The following ZNRF3 variants were observed in gnomAD, a reference collection of about 807,000 sequenced individuals.
ZNRF3 encodes the protein zinc and ring finger 3, also known as E3 ubiquitin-protein ligase ZNRF3.
ZNRF3 carries 23 observed loss-of-function variants against 72.5 expected under a neutral mutation model. The ratio of observed to expected loss-of-function variants is 0.32; its 90% CI spans 0.23 to 0.45. ZNRF3 has a LOEUF of 0.45. ZNRF3 is among the 20% of genes least tolerant of loss of function. The pLI, the probability that ZNRF3 is intolerant of heterozygous loss-of-function variation, is 1.00. For synonymous variants in ZNRF3, 610 were observed against 545.3 expected (o/e 1.12, Z -1.65); for missense variants, 1,169 against 1,272.1 (o/e 0.92, Z 1.23).
chr22:28,914,898 C>CT (rs1312397490), intron 1 of ZNRF3, among the ~76,000 whole-genome samples: 1 of 152,062 alleles, frequency 6.6e-6, no homozygotes, highest in East Asian at 1.9e-4. Flanking sequence ...GACATTCAGC[C>CT]TTTTGCCTCT....
intron 2 of ZNRF3, chr22:29,031,521 A>AGT: frequency 9.6e-6 from 9 of 933,176 alleles, no homozygotes; most frequent in Non-Finnish European, 1.2e-5. Context: ...TGTGTCATGC[A>AGT]GTGACTCATG....
intron 2 of ZNRF3, among the ~76,000 whole-genome samples, chr22:29,024,208 T>C (rs1254903470): frequency 6.6e-6 from 1 of 151,750 alleles, no homozygotes; most frequent in African/African-American, 2.4e-5. Context: ...AAGGAAGCGA[T>C]CCGGCCCAAC....
chr22:28,931,625 C>T (rs1270595973), intron 1 of ZNRF3, among the ~76,000 whole-genome samples: 1 of 152,196 alleles, frequency 6.6e-6, no homozygotes, highest in Non-Finnish European at 1.5e-5. Flanking sequence ...CCCCATCCAT[C>T]TGTCCACCCA....
At chr22:28,972,624 A>G (rs2035596955) in intron 1 of ZNRF3, among the ~76,000 whole-genome samples, 1 of 152,200 alleles carries the variant, frequency 6.6e-6, no homozygotes, top group South Asian at 2.1e-4. Context: ...GTATATACTC[A>G]GGAGTGGAAT....
At chr22:28,917,271 ACACACAC>A (rs2034424042) in intron 1 of ZNRF3, 1 of 7,488 alleles carries the variant, frequency 1.3e-4, no homozygotes, top group Non-Finnish European at 1.3e-3. Context: ...GGGATAAAAC[ACACACAC>A]ACACACACAC....
At chr22:28,983,375 C>A (rs117116195) in intron 1 of ZNRF3, among the ~76,000 whole-genome samples, 1 of 152,130 alleles carries the variant, frequency 6.6e-6, no homozygotes, top group Admixed American at 6.5e-5. Flanking sequence ...TCTGCATGCC[C>A]GGACACGCTC....
In ZNRF3 at chr22:29,030,141, C is replaced by T. The variant is rs775576093; in HGVS notation, c.427-12354C>T. Among the ~76,000 whole-genome samples the T allele has an allele frequency of 1.3e-5, 2 of 152,206 alleles. No individual in the cohort carries two copies. Among genetic ancestry groups the T allele is most frequent in the Non-Finnish European group, 2.9e-5 (2 of 68,040 alleles). ...TATCGATGGAGCAGGAGGGTGTGGACAGGCTTTCCTGGGTTTTTGGTGCTC... is the reference window on the plus strand; with the variant it reads ...TATCGATGGAGCAGGAGGGTGTGGATAGGCTTTCCTGGGTTTTTGGTGCTC... On this transcript the variant is annotated intron_variant, in intron 2 of 8. Transcript: ENST00000544604. The surrounding 1 kb of genome is among the most constrained non-coding windows in gnomAD (Gnocchi z 4.2).
In ZNRF3 at chr22:29,043,287, C is replaced by A; in HGVS notation, c.502-12C>A. On this transcript the variant is annotated splice_polypyrimidine_tract_variant and intron_variant, in intron 3 of 8. Transcript: ENST00000544604. ...GCGCACCTTTTAACCAGAGCCCTCT[C>A]TTCTTCCTTAGCTGAACCAGGGCTC... The A allele has an allele frequency of 6.2e-7, 1 of 1,613,346 alleles. No individual in the cohort carries two copies. Among genetic ancestry groups the A allele is most frequent in the Non-Finnish European group, 8.5e-7 (1 of 1,179,722 alleles).
At chr22:28,894,142 G>A (rs1382410184) in intron 1 of ZNRF3, among the ~76,000 whole-genome samples, 1 of 148,898 alleles carries the variant, frequency 6.7e-6, no homozygotes, top group Non-Finnish European at 1.5e-5. Context: ...TTTTTTTGTA[G>A]AGATGGGTTT....
At chr22:28,939,429 A>G (rs2034901566) in intron 1 of ZNRF3, among the ~76,000 whole-genome samples, 2 of 152,224 alleles carry the variant, frequency 1.3e-5, no homozygotes, top group South Asian at 2.1e-4. Flanking sequence ...ATAAACGTAT[A>G]ATCTCTGCCA....
chr22:28,981,291 A>G (rs1159032006), intron 1 of ZNRF3, among the ~76,000 whole-genome samples: 1 of 152,232 alleles, frequency 6.6e-6, no homozygotes, highest in Non-Finnish European at 1.5e-5. Context: ...CTTATTCTCT[A>G]CAGATGATTG....
At chr22:28,896,425 G>A (rs568329470) in intron 1 of ZNRF3, among the ~76,000 whole-genome samples, 29 of 152,258 alleles carry the variant, frequency 1.9e-4, no homozygotes, top group African/African-American at 5.8e-4. Flanking sequence ...GAGCCACCAC[G>A]CCTGGCCCCT....
intron 1 of ZNRF3, among the ~76,000 whole-genome samples, chr22:28,959,941 A>G (rs1032752780): frequency 9.2e-5 from 14 of 152,212 alleles, no homozygotes; most frequent in Non-Finnish European, 4.4e-5. Context: ...TGGACTTCCC[A>G]GCTCCAGAAC....
In ZNRF3 at chr22:29,056,782, T is replaced by C. The variant is rs1158157925; in HGVS notation, c.*3160T>C. On this transcript the variant is annotated 3_prime_UTR_variant, in exon 9 of 9. Coordinates refer to ENST00000544604, the MANE Select transcript of ZNRF3 (RefSeq NM_001206998.2). ...TACCAACAAGGTACCTCTTTATGGATGCAGCCCCAGTAAGCTGGCTTTAAC... is the reference window on the plus strand; with the variant it reads ...TACCAACAAGGTACCTCTTTATGGACGCAGCCCCAGTAAGCTGGCTTTAAC... 2 of 152,250 alleles carry C rather than the reference T, an allele frequency of 1.3e-5. No homozygotes were observed. The highest frequency in any genetic ancestry group is 3.9e-4 in the East Asian group (2 of 5,190). The allele number at this position is 152,250 out of a possible 1,614,324, so 9.4% of individuals were successfully genotyped here. A position where few individuals can be genotyped will look rare whatever the true frequency, so the allele number is the denominator to read the frequency against.
rs145199218 is a variant in ZNRF3 at position 28,955,702 on chromosome 22, T to G, written c.301-31374T>G. 2.0e-3 allele frequency among the ~76,000 whole-genome samples: 302 copies of G among 151,764 alleles called. 2 individuals are homozygous for G. The highest frequency in any genetic ancestry group is 6.8e-3 in the Middle Eastern group (2 of 294). Reference sequence around the variant, plus strand: ...GGGAGGCTGAGGTGGGAGGATCACCTGAGCCCAGGAGTTCAAGACCAACCT... The same window carrying G: ...GGGAGGCTGAGGTGGGAGGATCACCGGAGCCCAGGAGTTCAAGACCAACCT... On this transcript the variant is annotated intron_variant, in intron 1 of 8. Transcript: ENST00000544604.
intron 1 of ZNRF3, among the ~76,000 whole-genome samples, chr22:28,915,261 G>A (rs562941913): frequency 6.6e-6 from 1 of 152,328 alleles, no homozygotes; most frequent in African/African-American, 2.4e-5. Context: ...CTTATAAAGT[G>A]ATGGTTTTCC....
intron 1 of ZNRF3, among the ~76,000 whole-genome samples, chr22:28,971,523 G>T (rs1289826934): frequency 6.6e-6 from 1 of 152,128 alleles, no homozygotes; most frequent in Non-Finnish European, 1.5e-5. Context: ...CGCCCTAATT[G>T]TGGTAGAATA....
Position 29,016,702 on chromosome 22 carries a change from A to C in ZNRF3, c.427-25793A>C, listed in dbSNP as rs5762947. On this transcript the variant is annotated intron_variant, in intron 2 of 8. Transcript: ENST00000544604. Reference sequence around the variant, plus strand: ...ATGTTTTCATATTCAGATTTAAAGAAGTTGCTCCAGCTCAGAGAACTGGCT... The same window carrying C: ...ATGTTTTCATATTCAGATTTAAAGACGTTGCTCCAGCTCAGAGAACTGGCT... Among the ~76,000 whole-genome samples the C allele has an allele frequency of 2.6e-5, 4 of 152,360 alleles. No homozygotes were observed. The East Asian group carries it at 7.7e-4, about 29-fold the overall frequency.
At position 29,030,788 on chromosome 22, in the gene ZNRF3, T is replaced by G. The variant is rs1470345492; in HGVS notation, c.427-11707T>G. ...CAGGGCGGTACACGACGGGTGGGAG[T>G]GGGGAGGAGGAGGGCTCCTGGCGCG... On this transcript the variant is annotated intron_variant, in intron 2 of 8. Coordinates refer to ENST00000544604, the MANE Select transcript of ZNRF3 (RefSeq NM_001206998.2). This position sits in a 1 kb window ranked among gnomAD's most constrained non-coding sequence, Gnocchi z 4.2. Among the ~76,000 whole-genome samples, 26 of 88,560 alleles carry G rather than the reference T, an allele frequency of 2.9e-4. No individual in the cohort carries two copies. Among genetic ancestry groups the G allele is most frequent in the Admixed American group, 3.6e-4 (3 of 8,386 alleles). 58.1% of individuals were successfully genotyped at this position (88,560 alleles called of 152,430 possible). A position where few individuals can be genotyped will look rare whatever the true frequency, so the allele number is the denominator to read the frequency against.
Sources: allele counts gnomAD v4.1 joint callset (sites outside exome capture counted in the v4.1 genomes callset), GRCh38; gene constraint gnomAD v4.1.1; non-coding constraint Gnocchi (gnomAD v3.1); transcripts MANE v1.5; gene names NCBI Gene and HGNC (gene_info 2026-07-23, HGNC 2026-07-21).